The following GCNT1 variants were observed in gnomAD, a reference collection of about 807,000 sequenced individuals.
The protein encoded by GCNT1 is beta-1,3-galactosyl-O-glycosyl-glycoprotein beta-1,6-N-acetylglucosaminyltransferase.
GCNT1 carries 16 observed loss-of-function variants against 26.2 expected under a neutral mutation model. The ratio of observed to expected loss-of-function variants is 0.61; its 90% CI spans 0.41 to 0.93. The LOEUF (loss-of-function observed/expected upper bound fraction) is 0.93, where lower values mean the gene tolerates loss of function less well. Among genes scored for constraint, GCNT1 ranks in the 40% least tolerant of loss-of-function variants. The probability of loss-of-function intolerance (pLI) is 0.00; values close to 1 mark genes in which losing one functional copy is unlikely to be tolerated. For missense variants in GCNT1, 477 were observed against 526.7 expected (o/e 0.91, Z 0.92); for synonymous variants, 183 against 190.8 (o/e 0.96, Z 0.34).
chr9:76,483,006 A>C (rs1824462760), intron 2 of GCNT1, among the ~76,000 whole-genome samples: 1 of 152,036 alleles, frequency 6.6e-6, no homozygotes, highest in African/African-American at 2.4e-5. Flanking sequence ...TAATGTTAAT[A>C]TGTAAACAGT....
intron 2 of GCNT1, among the ~76,000 whole-genome samples, chr9:76,500,570 G>C (rs1825037185): frequency 6.6e-6 from 1 of 152,142 alleles, no homozygotes; most frequent in Admixed American, 6.5e-5. Context: ...TTGCCAGTGA[G>C]CATTGGGAAT....
intron 1 of GCNT1, among the ~76,000 whole-genome samples, chr9:76,450,559 C>T (rs764315187): frequency 9.9e-5 from 15 of 152,172 alleles, no homozygotes; most frequent in Non-Finnish European, 1.8e-4. Flanking sequence ...CCTACACCTT[C>T]ATCTATATTA....
chr9:76,490,916 G>T (rs1408542159), intron 2 of GCNT1, among the ~76,000 whole-genome samples: 2 of 152,250 alleles, frequency 1.3e-5, no homozygotes, highest in Non-Finnish European at 2.9e-5. Context: ...TGATCAGAAG[G>T]CTGTGAGTTG....
chr9:76,398,900 A>G, the GCNT1 span: 5 of 1,545,414 alleles, frequency 3.2e-6, no homozygotes, highest in African/African-American at 2.7e-5. Flanking sequence ...TATTGTTGCC[A>G]TTGAAAACCC....
chr9:76,476,316 A>G (rs764738104), intron 2 of GCNT1, among the ~76,000 whole-genome samples: 3 of 152,148 alleles, frequency 2.0e-5, no homozygotes, highest in Non-Finnish European at 4.4e-5. Flanking sequence ...ACCCAGGGCC[A>G]CCTAATCTTT....
chr9:76,417,989 C>T (rs1195904412), upstream of GCNT1, among the ~76,000 whole-genome samples: 3 of 152,166 alleles, frequency 2.0e-5, no homozygotes, highest in Non-Finnish European at 2.9e-5. Flanking sequence ...TAGCCCATGA[C>T]ACAGCCCTCA....
chr9:76,465,164 T>TA (rs1162418943), intron 2 of GCNT1, among the ~76,000 whole-genome samples: 4 of 151,840 alleles, frequency 2.6e-5, no homozygotes, highest in African/African-American at 9.7e-5. Flanking sequence ...AGTTTTTTTT[T>TA]TTTTATTTTT....
chr9:76,464,705 C>A (rs1417750720), intron 2 of GCNT1, among the ~76,000 whole-genome samples: 1 of 152,084 alleles, frequency 6.6e-6, no homozygotes, highest in Non-Finnish European at 1.5e-5. Context: ...GCTACCATAT[C>A]TGACTAGAAG....
At chr9:76,491,479 G>A (rs372927185) in intron 2 of GCNT1, among the ~76,000 whole-genome samples, 7 of 152,124 alleles carry the variant, frequency 4.6e-5, no homozygotes, top group African/African-American at 1.7e-4. Flanking sequence ...GATTAGATAA[G>A]CATACTTGCT....
At chr9:76,424,408 A>G (rs974397244) in intron 1 of GCNT1, among the ~76,000 whole-genome samples, 1 of 152,198 alleles carries the variant, frequency 6.6e-6, no homozygotes, top group Non-Finnish European at 1.5e-5. Flanking sequence ...CAAAGGAACA[A>G]TATTTAAAAG....
At chr9:76,441,173 T>C (rs1267250776), upstream of GCNT1, among the ~76,000 whole-genome samples, 2 of 152,072 alleles carry the variant, frequency 1.3e-5, no homozygotes, top group East Asian at 3.9e-4. Flanking sequence ...TGAGACGAAG[T>C]CTTGCTCTGT....
upstream of GCNT1, among the ~76,000 whole-genome samples, chr9:76,457,349 A>G (rs1023327307): frequency 6.6e-6 from 1 of 152,302 alleles, no homozygotes; most frequent in African/African-American, 2.4e-5. Flanking sequence ...CCCGGGTTCA[A>G]GCGATTCTCA....
chr9:76,502,717 A>G lies in GCNT1; in HGVS notation c.336A>G (p.Glu112=). Residue 112 remains glutamate, a synonymous_variant, in exon 4 of 4, where the codon GAA becomes GAG. Coordinates refer to ENST00000376730, the MANE Select transcript of GCNT1 (RefSeq NM_001490.5). The part of the protein sequence containing the change: ...SFIKRRKYIV[E]PLSKEEAEFP... ...TCAAGAGACGCAAATATATTGTAGA[A>G]CCCCTTAGTAAAGAAGAGGCGGAGT... 6.2e-7 allele frequency: 1 copy of G among 1,614,058 alleles called. No homozygotes were observed. Among genetic ancestry groups the G allele is most frequent in the Non-Finnish European group, 8.5e-7 (1 of 1,179,896 alleles).
intron 2 of GCNT1, among the ~76,000 whole-genome samples, chr9:76,482,677 C>A (rs1259619601): frequency 6.6e-6 from 1 of 151,974 alleles, no homozygotes; most frequent in Non-Finnish European, 1.5e-5. Flanking sequence ...CAGGGTCTTG[C>A]TCTCTTACCC....
chr9:76,424,038 A>G (rs901868391), intron 1 of GCNT1, among the ~76,000 whole-genome samples: 2 of 152,216 alleles, frequency 1.3e-5, no homozygotes, highest in African/African-American at 2.4e-5. Flanking sequence ...CTTGGAATCA[A>G]AGGTGTAGCA....
chr9:76,492,539 G>A (rs371291668), intron 2 of GCNT1, among the ~76,000 whole-genome samples: 2 of 150,926 alleles, frequency 1.3e-5, no homozygotes, highest in African/African-American at 4.9e-5. Context: ...AAATGTACCC[G>A]GGGCTCAGTG....
Position 76,505,101 on chromosome 9 carries a change from T to C in GCNT1, c.*1433T>C, listed in dbSNP as rs1436265105. On this transcript the variant is annotated 3_prime_UTR_variant, in exon 4 of 4. Transcript: ENST00000376730. ...TCAGCAAACAAGCTACCAGGAACTG[T>C]GAGGCTTTGTCATTTAGCATTAGAC... 4.9e-6 allele frequency: 2 copies of C among 411,852 alleles called. No individual in the cohort carries two copies. The highest frequency in any genetic ancestry group is 4.1e-5 in the African/African-American group (2 of 48,606). 25.5% of individuals were successfully genotyped at this position (411,852 alleles called of 1,614,324 possible).
intron 2 of GCNT1, among the ~76,000 whole-genome samples, chr9:76,466,730 G>C (rs535344726): frequency 6.8e-6 from 1 of 146,936 alleles, no homozygotes; most frequent in South Asian, 2.1e-4. Context: ...AGGACGGAGG[G>C]AGAGGATGGA....
chr9:76,485,868 G>A lies in GCNT1; in HGVS notation c.-289-15048G>A, dbSNP rs570734702. Among the ~76,000 whole-genome samples the A allele has an allele frequency of 1.7e-4, 26 of 152,296 alleles. No individual in the cohort carries two copies. In the East Asian group the frequency reaches 4.3e-3, roughly 25 times the overall value. On this transcript the variant is annotated intron_variant, in intron 2 of 3. Transcript: ENST00000376730. Reference sequence around the variant, plus strand: ...CTGCCTCAGCCTCCCAAGTAGCTGGGATTACAGGTGTGCGCCACCACATCT... The same window carrying A: ...CTGCCTCAGCCTCCCAAGTAGCTGGAATTACAGGTGTGCGCCACCACATCT...
Sources: gnomAD v4.1 joint callset for allele counts (sites outside exome capture counted in the v4.1 genomes callset) on GRCh38, gnomAD v4.1.1 for gene constraint, MANE v1.5 for transcripts, NCBI Gene and HGNC (gene_info 2026-07-23, HGNC 2026-07-21) for gene names.